STARD13: variants seen among roughly 807,000 people sequenced by gnomAD.
STARD13 encodes stAR-related lipid transfer protein 13.
A neutral mutation model predicts 106.4 loss-of-function variants in STARD13; 62 were observed. The ratio of observed to expected loss-of-function variants is 0.58; its 90% CI spans 0.48 to 0.72. The LOEUF is 0.72. STARD13 is among the 30% of genes least tolerant of loss of function. The pLI, the probability that STARD13 is intolerant of heterozygous loss-of-function variation, is 0.00. For synonymous variants in STARD13, 565 were observed against 553.0 expected (o/e 1.02, Z -0.31); for missense variants, 1,387 against 1,424.0 (o/e 0.97, Z 0.42).
chr13:33,170,156 T>C (rs1403360316), intron 1 of STARD13, among the ~76,000 whole-genome samples: 1 of 152,168 alleles, frequency 6.6e-6, no homozygotes, highest in Non-Finnish European at 1.5e-5. Context: ...TAAAAGAGTA[T>C]AATTGGATTG....
At chr13:33,605,050 G>A in the STARD13 span, among the ~76,000 whole-genome samples, 1 of 151,668 alleles carries the variant, frequency 6.6e-6, no homozygotes, top group East Asian at 1.9e-4. Context: ...ACAAGCCTGG[G>A]CAACACAGTG....
At chr13:33,304,513 C>A (rs1421819631) in intron 1 of STARD13, among the ~76,000 whole-genome samples, 1 of 152,010 alleles carries the variant, frequency 6.6e-6, no homozygotes. Flanking sequence ...CTGGATTTTC[C>A]CCGTGGACAT....
intron 1 of STARD13, among the ~76,000 whole-genome samples, chr13:33,223,730 T>A (rs1888476595): frequency 6.6e-6 from 1 of 152,094 alleles, no homozygotes; most frequent in Admixed American, 6.6e-5. Flanking sequence ...CTGCCTTGTG[T>A]TCAAATCCTG....
At position 33,129,039 on chromosome 13, in the gene STARD13, C is replaced by T. The variant is rs541502281; in HGVS notation, c.1638G>A (p.Thr546=). 9.3e-6 allele frequency: 15 copies of T among 1,614,114 alleles called. No homozygotes were observed. Among genetic ancestry groups the T allele is most frequent in the Middle Eastern group, 1.6e-4 (1 of 6,062 alleles). Residue 546 remains threonine, a synonymous_variant, in exon 5 of 14, where the codon ACG becomes ACA. Coordinates refer to ENST00000336934, the MANE Select transcript of STARD13 (RefSeq NM_178006.4). The part of the protein sequence containing the change: ...FEGNSVSEGR[T]TPSDVERDVT... ...CATCTCTTTCCACATCACTGGGTGT[C>T]GTCCGACCTTCTGAGACAGAGTTAC...
intron 1 of STARD13, among the ~76,000 whole-genome samples, chr13:33,202,318 A>C (rs1258992764): frequency 6.6e-6 from 1 of 152,234 alleles, no homozygotes; most frequent in Non-Finnish European, 1.5e-5. Context: ...AGCTGACAAC[A>C]GTCTATATGC....
chr13:33,538,802 C>T, the STARD13 span, among the ~76,000 whole-genome samples: 1 of 149,930 alleles, frequency 6.7e-6, no homozygotes, highest in Non-Finnish European at 1.5e-5. Context: ...CGGAGTCTGG[C>T]TCTGTGACCC....
chr13:33,656,759 A>T, the STARD13 span: 1 of 152,230 alleles, frequency 6.6e-6, no homozygotes, highest in Non-Finnish European at 1.5e-5. Context: ...ATGCGAAGAG[A>T]ATACTCAGAT....
At chr13:33,206,302 G>A (rs1344145414) in intron 1 of STARD13, among the ~76,000 whole-genome samples, 3 of 151,770 alleles carry the variant, frequency 2.0e-5, no homozygotes, top group African/African-American at 2.4e-5. Context: ...GGGAAGAAGT[G>A]TTTTAAACCA....
At chr13:33,154,855 T>C (rs1881754540) in intron 3 of STARD13, among the ~76,000 whole-genome samples, 1 of 152,188 alleles carries the variant, frequency 6.6e-6, no homozygotes, top group Admixed American at 6.5e-5. Flanking sequence ...AACTGAAGGC[T>C]GAGCAAAGCA....
chr13:33,111,666 G>T, intron 10 of STARD13, 112 bp downstream of exon 10: 3 of 690,538 alleles, frequency 4.3e-6, no homozygotes, highest in Non-Finnish European at 7.7e-6. Flanking sequence ...ATATACTATT[G>T]TCATAAAATC....
At chr13:33,457,783 G>T in the STARD13 span, among the ~76,000 whole-genome samples, 1 of 152,116 alleles carries the variant, frequency 6.6e-6, no homozygotes, top group Admixed American at 6.6e-5. Context: ...CATCATAAGG[G>T]TTTCATTCTC....
the STARD13 span, among the ~76,000 whole-genome samples, chr13:33,623,658 A>G: frequency 6.6e-6 from 1 of 152,266 alleles, no homozygotes; most frequent in Non-Finnish European, 1.5e-5. Context: ...TCTATATACT[A>G]AAAAGACAAC....
chr13:33,579,212 C>T, the STARD13 span, among the ~76,000 whole-genome samples: 2 of 152,058 alleles, frequency 1.3e-5, no homozygotes, highest in Non-Finnish European at 2.9e-5. Flanking sequence ...GTGTGTTTAT[C>T]GCAGTATAGT....
At chr13:33,376,193 G>A in the STARD13 span, among the ~76,000 whole-genome samples, 1 of 152,166 alleles carries the variant, frequency 6.6e-6, no homozygotes, top group Non-Finnish European at 1.5e-5. Context: ...ATAAAGATGA[G>A]TTAGGCTGGT....
At chr13:33,226,603 T>C (rs1376349938) in intron 1 of STARD13, among the ~76,000 whole-genome samples, 2 of 151,266 alleles carry the variant, frequency 1.3e-5, no homozygotes, top group African/African-American at 4.9e-5. Flanking sequence ...CCTCGCTAAT[T>C]TTTTTATTTT....
At chr13:33,670,701 A>G in the STARD13 span, among the ~76,000 whole-genome samples, 1 of 152,242 alleles carries the variant, frequency 6.6e-6, no homozygotes, top group African/African-American at 2.4e-5. Context: ...TTATCAGGAC[A>G]GGACCAAGAA....
chr13:33,644,217 G>A, the STARD13 span, among the ~76,000 whole-genome samples: 1 of 152,216 alleles, frequency 6.6e-6, no homozygotes, highest in Non-Finnish European at 1.5e-5. Flanking sequence ...CTGGACTCAG[G>A]CCTGGTCTGG....
intron 1 of STARD13, among the ~76,000 whole-genome samples, chr13:33,303,105 A>G (rs1892779686): frequency 6.6e-6 from 1 of 152,122 alleles, no homozygotes; most frequent in African/African-American, 2.4e-5. Context: ...CCTGACTCAG[A>G]GGCCCCCTTC....
At chr13:33,176,415 G>T (rs1001652271) in intron 1 of STARD13, among the ~76,000 whole-genome samples, 5 of 152,112 alleles carry the variant, frequency 3.3e-5, no homozygotes, top group Non-Finnish European at 7.3e-5. Context: ...TTCTAAACAT[G>T]CATCACTCAT....
Sources: gnomAD v4.1 joint callset for allele counts (sites outside exome capture counted in the v4.1 genomes callset) on GRCh38, gnomAD v4.1.1 for gene constraint, MANE v1.5 for transcripts, NCBI Gene and HGNC (gene_info 2026-07-23, HGNC 2026-07-21) for gene names.